FASN: variants seen among roughly 807,000 people sequenced by gnomAD.
FASN encodes 3-hydroxyacyl-[acyl-carrier-protein] dehydratase.
A neutral mutation model predicts 250.0 loss-of-function variants in FASN; 50 were observed. That is an observed-to-expected ratio of 0.20 (90% CI 0.16 to 0.25). The LOEUF (loss-of-function observed/expected upper bound fraction) is 0.25. Among genes scored for constraint, FASN ranks in the 10% least tolerant of loss-of-function variants. The probability of loss-of-function intolerance (pLI) is 1.00; values close to 1 mark genes in which losing one functional copy is unlikely to be tolerated. For synonymous variants in FASN, 1,909 were observed against 1,584.0 expected (o/e 1.21, Z -4.87); for missense variants, 3,031 against 3,498.5 (o/e 0.87, Z 3.37).
In FASN at chr17:82,080,502, G is replaced by A. The variant is rs777999942; in HGVS notation, c.6915C>T (p.Ala2305=). ...QVQPEGPYRV[A]GYSYGACVAF... ...CCACGCAGGCCCCGTAGGAGTAGCC[G>A]GCCACGCGGTAGGGGCCCTCGGGCT... The change falls in exon 40 of 43, where the codon GCC becomes GCT. Residue 2305 remains alanine, a synonymous_variant. Transcript: ENST00000306749. The A allele has an allele frequency of 2.8e-5, 44 of 1,565,468 alleles. No homozygotes were observed. The highest frequency in any genetic ancestry group is 5.7e-5 in the Admixed American group (3 of 52,794).
At chr17:82,087,537 T>G (rs370518035) in intron 19 of FASN, 33 bp from the exon 20 acceptor site, 3 of 1,609,818 alleles carry the variant, frequency 1.9e-6, no homozygotes, top group African/African-American at 2.7e-5. Flanking sequence ...GCTGTGGAAC[T>G]CCCAGGTCCC....
rs1025708321 is a variant in FASN, at chr17:82,091,368, G to C, written c.1346C>G (p.Ala449Gly). The C allele has an allele frequency of 1.2e-6, 2 of 1,611,092 alleles. No individual in the cohort carries two copies. Among genetic ancestry groups the C allele is most frequent in the African/African-American group, 2.7e-5 (2 of 75,022 alleles). ...GATGTCGTTCAGCATGCTCAGGAAAGCCAGGTCCTGGCTGTGCCGGAGGCC... is the reference window on the plus strand; with the variant it reads ...GATGTCGTTCAGCATGCTCAGGAAACCCAGGTCCTGGCTGTGCCGGAGGCC... ...EQGLRHSQDL[A>G]FLSMLNDIAA... Residue 449 changes from alanine to glycine, a missense_variant, in exon 9 of 43, where the codon GCT becomes GGT. Transcript: ENST00000306749.
intron 5 of FASN, 36 bp from the exon 6 acceptor site, chr17:82,093,055 C>T: frequency 6.2e-7 from 1 of 1,608,392 alleles, no homozygotes. Context: ...GGGGCTCAGC[C>T]CCACGCCGGC....
At chr17:82,093,844 TG>T in intron 3 of FASN, 73 bp from the exon 4 acceptor site, 1 of 1,340,106 alleles carries the variant, frequency 7.5e-7, no homozygotes, top group African/African-American at 2.7e-5. Context: ...CACCCGGCTC[TG>T]GGGCGAAGGT....
At chr17:82,079,833 G>A (rs529450272) in intron 41 of FASN, 21 of 661,746 alleles carry the variant, frequency 3.2e-5, no homozygotes, top group Admixed American at 1.8e-4. Flanking sequence ...TTCTCCTCCC[G>A]AGTAGGTGGG....
chr17:82,097,713 GC>G (rs1010386722), intron 1 of FASN, among the ~76,000 whole-genome samples: 2 of 151,954 alleles, frequency 1.3e-5, no homozygotes, highest in East Asian at 1.9e-4. Context: ...CGGCCCCTGC[GC>G]CCCCCCGTTC....
In FASN at chr17:82,094,825, C is replaced by T. The variant is rs568182739; in HGVS notation, c.280+495G>A. Among the ~76,000 whole-genome samples, 29 of 150,668 alleles carry T rather than the reference C, an allele frequency of 1.9e-4. No homozygotes were observed. The East Asian group carries it at 2.2e-3, about 11-fold the overall frequency. On this transcript the variant is annotated intron_variant, in intron 3 of 42. Coordinates refer to ENST00000306749, the MANE Select transcript of FASN (RefSeq NM_004104.5). ...ATAAATAAAAATAAAAATAAAAAAA[C>T]GGCGTGGCGCTTGTCCGAGGTCAAA...
rs1022823501 is a variant in FASN, at chr17:82,085,360, C to T, written c.4165G>A (p.Val1389Met). The change falls in exon 24 of 43, where the codon GTG becomes ATG. Residue 1389 changes from valine to methionine, a missense_variant. By Grantham distance (21) the Val-to-Met change is conservative. Coordinates refer to ENST00000306749, the MANE Select transcript of FASN (RefSeq NM_004104.5). ...CCGTAGAAGGACTTCTTCAGGCCCACCAGGCGCAGCGACACCCTGGAGAAG... is the reference window on the plus strand; with the variant it reads ...CCGTAGAAGGACTTCTTCAGGCCCATCAGGCGCAGCGACACCCTGGAGAAG... ...SLFSRVSLRL[V>M]GLKKSFYGST... 6.2e-7 allele frequency: 1 copy of T among 1,611,574 alleles called. No homozygotes were observed. Among genetic ancestry groups the T allele is most frequent in the Non-Finnish European group, 8.5e-7 (1 of 1,179,564 alleles).
At chr17:82,097,077 G>A (rs184733815) in intron 1 of FASN, among the ~76,000 whole-genome samples, 78 of 152,332 alleles carry the variant, frequency 5.1e-4, no homozygotes, top group African/African-American at 1.9e-3. Flanking sequence ...GGGACGAAAT[G>A]GGGATAGCCT....
intron 2 of FASN, among the ~76,000 whole-genome samples, chr17:82,096,041 G>C (rs947614124): frequency 6.6e-6 from 1 of 152,252 alleles, no homozygotes; most frequent in African/African-American, 2.4e-5. Flanking sequence ...GCCAGCCCTC[G>C]GCCTTGCAGC....
intron 8 of FASN, among the ~76,000 whole-genome samples, chr17:82,092,023 G>A (rs1182681965): frequency 6.6e-6 from 1 of 152,210 alleles, no homozygotes; most frequent in Non-Finnish European, 1.5e-5. Context: ...CAGAGGGCGT[G>A]AGTGATCATG....
rs776083528 is a variant in FASN at position 82,093,405 on chromosome 17, G to T, written c.469C>A (p.Leu157Met). 7.5e-6 allele frequency: 12 copies of T among 1,602,104 alleles called. No individual in the cohort carries two copies. The highest frequency in any genetic ancestry group is 2.1e-4 in the Middle Eastern group (1 of 4,864). The change falls in exon 5 of 43, where the codon CTG becomes ATG. Residue 157 changes from leucine (L) to methionine (M), a missense_variant. Transcript: ENST00000306749. The part of the protein sequence containing the change: ...FFDFRGPSIA[L>M]DTACSSSLMA... The stretch of plus-strand genomic sequence containing the variant: ...AGGCTGGAGGAGCAGGCTGTGTCCA[G>T]TGCGATGCTGGGCCCTGCAAGGAAG...
At chr17:82,088,699 C>A in intron 15 of FASN, 62 bp downstream of exon 15, 1 of 1,541,610 alleles carries the variant, frequency 6.5e-7, no homozygotes, top group Non-Finnish European at 8.9e-7. Context: ...CGCAGCCCCG[C>A]TCACCCACCC....
At chr17:82,081,034 C>A in intron 38 of FASN, 112 bp from the exon 39 acceptor site, 1 of 1,391,484 alleles carries the variant, frequency 7.2e-7, no homozygotes. Context: ...AGGTGGGAGT[C>A]GGGGTGGGAA....
Position 82,082,917 on chromosome 17 carries a change from T to C in FASN, c.5764A>G (p.Thr1922Ala), listed in dbSNP as rs199601515. Residue 1922 changes from threonine to alanine, a missense_variant, in exon 33 of 43, where the codon ACA becomes GCA. Coordinates refer to ENST00000306749, the MANE Select transcript of FASN (RefSeq NM_004104.5). ...ACAAGCACCCCTGCCGACTCACCTG[T>C]CCGGATCCCGGAGCGAGAAGTCAAC... ...LVLTSRSGIRTGYQAKQVRRW... is the reference protein window; with the variant it reads ...LVLTSRSGIRAGYQAKQVRRW... 6.2e-7 allele frequency: 1 copy of C among 1,612,700 alleles called. No individual in the cohort carries two copies. The highest frequency in any genetic ancestry group is 8.5e-7 in the Non-Finnish European group (1 of 1,179,956).
Position 82,084,084 on chromosome 17 carries a change from C to T in FASN, c.4989G>A (p.Gly1663=). The change falls in exon 29 of 43, where the codon GGG becomes GGA. Residue 1663 remains glycine (G), a synonymous_variant. Coordinates refer to ENST00000306749, the MANE Select transcript of FASN (RefSeq NM_004104.5). ...GCAGCGTCTCCCCGGGGCGCACCCG[C>T]CCACGCACCACCAGCGCGTAGTAGG... ...STAYYALVVR[G]RVRPGETLLI... The T allele has an allele frequency of 1.3e-6, 2 of 1,559,558 alleles. No individual in the cohort carries two copies. The highest frequency in any genetic ancestry group is 8.7e-7 in the Non-Finnish European group (1 of 1,153,446).
At chr17:82,081,918 T>TG (rs2033995626) in intron 36 of FASN, 75 bp from the exon 37 acceptor site, 2 of 80,288 alleles carry the variant, frequency 2.5e-5, no homozygotes, top group East Asian at 2.1e-3. Context: ...GAGGGTGGGG[T>TG]GGGCAGGGCT....
intron 5 of FASN, 75 bp from the exon 6 acceptor site, chr17:82,093,094 T>C: frequency 6.3e-7 from 1 of 1,592,276 alleles, no homozygotes; most frequent in South Asian, 1.1e-5. Flanking sequence ...AGCTCTGGGG[T>C]GTGGGGTGGG....
Position 82,085,136 on chromosome 17 carries a change from GTCT to G in FASN, c.4305_4307del (p.Glu1435del). 3.1e-6 allele frequency: 5 copies of G among 1,612,622 alleles called. No homozygotes were observed. The highest frequency in any genetic ancestry group is 4.2e-6 in the Non-Finnish European group (5 of 1,179,938). On this transcript the variant is annotated inframe_deletion, in exon 25 of 43. Transcript: ENST00000306749. ...CCTTCAGCCACACAGGCCGGGAAGAGTCTTCGTCAGCCAGGATGCCCTACAGCG... is the reference window on the plus strand; with the variant it reads ...CCTTCAGCCACACAGGCCGGGAAGAGTCGTCAGCCAGGATGCCCTACAGCG...
Sources: allele counts gnomAD v4.1 joint callset (sites outside exome capture counted in the v4.1 genomes callset), GRCh38; gene constraint gnomAD v4.1.1; transcripts MANE v1.5; gene names NCBI Gene and HGNC (gene_info 2026-07-23, HGNC 2026-07-21).